CHST11: variants seen among roughly 807,000 people sequenced by gnomAD.
CHST11 encodes the protein carbohydrate sulfotransferase 11.
Under a neutral mutation model 30.4 loss-of-function variants are expected in CHST11, and 9 were observed. The ratio of observed to expected loss-of-function variants is 0.30; its 90% CI spans 0.18 to 0.52. The LOEUF (loss-of-function observed/expected upper bound fraction) is 0.52. CHST11 is among the 20% of genes least tolerant of loss of function. The pLI, the probability that CHST11 is intolerant of heterozygous loss-of-function variation, is 0.97. For missense variants in CHST11, 348 were observed against 460.6 expected, an observed-to-expected ratio of 0.76 and a Z score of 2.24; for synonymous variants, 152 against 187.8, an observed-to-expected ratio of 0.81 and a Z score of 1.56.
At chr12:104,543,696 T>C (rs1565980907) in intron 1 of CHST11, among the ~76,000 whole-genome samples, 1 of 152,210 alleles carries the variant, frequency 6.6e-6, no homozygotes. Context: ...CGACAGTCAC[T>C]GAAGTCACTG....
chr12:104,487,205 T>C (rs2037688227), intron 1 of CHST11, among the ~76,000 whole-genome samples: 2 of 152,214 alleles, frequency 1.3e-5, no homozygotes, highest in African/African-American at 4.8e-5. Context: ...CTGTCTCTTC[T>C]TGAGTGCCTG....
intron 1 of CHST11, among the ~76,000 whole-genome samples, chr12:104,491,612 G>A (rs191012787): frequency 2.8e-4 from 43 of 152,056 alleles, no homozygotes; most frequent in Admixed American, 2.4e-3. Context: ...AGGACTACAG[G>A]TTTGTGCCAC....
At chr12:104,649,660 G>A (rs532815444) in intron 2 of CHST11, among the ~76,000 whole-genome samples, 1 of 152,336 alleles carries the variant, frequency 6.6e-6, no homozygotes, top group African/African-American at 2.4e-5. Context: ...TTAAAAAGAA[G>A]AAGGAAGAGA....
chr12:104,538,239 G>A (rs1471401906), intron 1 of CHST11, among the ~76,000 whole-genome samples: 1 of 152,078 alleles, frequency 6.6e-6, no homozygotes, highest in African/African-American at 2.4e-5. Flanking sequence ...GAGGCATGTT[G>A]GTCAAGTGTT....
chr12:104,710,942 TAGTTCAC>T (rs1301761775), intron 2 of CHST11, among the ~76,000 whole-genome samples: 1 of 152,138 alleles, frequency 6.6e-6, no homozygotes, highest in African/African-American at 2.4e-5. Context: ...AAGTTGAGAG[TAGTTCAC>T]CAGCTATTAG....
chr12:104,478,741 G>A (rs762164119), intron 1 of CHST11, among the ~76,000 whole-genome samples: 5 of 152,134 alleles, frequency 3.3e-5, no homozygotes, highest in East Asian at 3.8e-4. Flanking sequence ...GAGGAAAACC[G>A]GTGGGATTTA....
chr12:104,727,333 T>C (rs764635275), intron 2 of CHST11, among the ~76,000 whole-genome samples: 1 of 152,236 alleles, frequency 6.6e-6, no homozygotes, highest in Non-Finnish European at 1.5e-5. Context: ...AATGTGTTAA[T>C]CTAGCCAAGA....
At chr12:104,487,959 A>G (rs1194197790) in intron 1 of CHST11, among the ~76,000 whole-genome samples, 1 of 151,136 alleles carries the variant, frequency 6.6e-6, no homozygotes, top group Non-Finnish European at 1.5e-5. Context: ...TCCAGGCTGG[A>G]GTGCAGTGAC....
intron 2 of CHST11, among the ~76,000 whole-genome samples, chr12:104,605,152 C>CAAAAAAAAAAAAA (rs3039180): frequency 2.1e-5 from 2 of 93,520 alleles, no homozygotes; most frequent in Non-Finnish European, 2.2e-5. Context: ...ATCCCCTCTC[C>CAAAAAAAAAAAAA]AAAAAAAAAA....
At chr12:104,481,674 T>C (rs1228831993) in intron 1 of CHST11, among the ~76,000 whole-genome samples, 2 of 152,254 alleles carry the variant, frequency 1.3e-5, no homozygotes, top group East Asian at 3.9e-4. Context: ...TTGGGGTTTC[T>C]GATACCTAAA....
intron 2 of CHST11, among the ~76,000 whole-genome samples, chr12:104,710,565 C>T (rs922038880): frequency 2.0e-5 from 3 of 152,146 alleles, no homozygotes; most frequent in African/African-American, 7.2e-5. Flanking sequence ...AGCAAGGCCC[C>T]CTCTGGTCCA....
intron 2 of CHST11, among the ~76,000 whole-genome samples, chr12:104,695,043 G>A (rs928209951): frequency 1.3e-5 from 2 of 152,134 alleles, no homozygotes; most frequent in East Asian, 1.9e-4. Context: ...GGAGCCACAG[G>A]GGATGCTGGG....
chr12:104,611,710 G>A (rs535575098), intron 2 of CHST11, among the ~76,000 whole-genome samples: 7 of 152,262 alleles, frequency 4.6e-5, no homozygotes, highest in South Asian at 2.1e-4. Context: ...AGAGTATGGC[G>A]CTTTTGTCCC....
At chr12:104,462,543 G>A (rs983808856) in intron 1 of CHST11, among the ~76,000 whole-genome samples, 8 of 151,818 alleles carry the variant, frequency 5.3e-5, no homozygotes, top group African/African-American at 1.7e-4. Flanking sequence ...TTTTTGCTGT[G>A]GTTGCACAAA....
intron 2 of CHST11, among the ~76,000 whole-genome samples, chr12:104,660,738 C>T (rs10861263): frequency 0.23 from 34,385 of 152,038 alleles, 3,968 homozygotes; most frequent in Admixed American, 0.27. Flanking sequence ...TAAAGGGGTG[C>T]GTATCTGCCA....
chr12:104,715,246 C>T lies in CHST11; in HGVS notation c.205-41703C>T, dbSNP rs575479270. ...AAAATTAGCTGGATGTGGTGGTCGG[C>T]GCCTGTAATCCCAGCTACTTGGGAG... is the stretch of plus-strand genomic sequence containing the variant. On this transcript the variant is annotated intron_variant, in intron 2 of 2. Coordinates refer to ENST00000303694, the MANE Select transcript of CHST11 (RefSeq NM_018413.6). Among the ~76,000 whole-genome samples, 8 of 152,156 alleles carry T rather than the reference C, an allele frequency of 5.3e-5. No homozygotes were observed. In the South Asian group the frequency reaches 1.5e-3, roughly 28 times the overall value.
At chr12:104,503,077 A>G (rs2037867832) in intron 1 of CHST11, among the ~76,000 whole-genome samples, 1 of 152,236 alleles carries the variant, frequency 6.6e-6, no homozygotes, top group South Asian at 2.1e-4. Flanking sequence ...GTATAGATGC[A>G]GGTAATATGA....
chr12:104,536,727 G>C (rs184776991), intron 1 of CHST11, among the ~76,000 whole-genome samples: 5 of 152,332 alleles, frequency 3.3e-5, no homozygotes, highest in Admixed American at 6.5e-5. Flanking sequence ...ACTTGGCACA[G>C]AGCGAGGCAG....
At chr12:104,460,318 A>G (rs1021129790) in intron 1 of CHST11, among the ~76,000 whole-genome samples, 5 of 152,184 alleles carry the variant, frequency 3.3e-5, no homozygotes, top group Admixed American at 1.3e-4. Flanking sequence ...TGCAAAAGCA[A>G]TGGGTTCCAG....
Sources: gnomAD v4.1 joint callset for allele counts (sites outside exome capture counted in the v4.1 genomes callset) on GRCh38, gnomAD v4.1.1 for gene constraint, MANE v1.5 for transcripts, NCBI Gene and HGNC (gene_info 2026-07-23, HGNC 2026-07-21) for gene names.